Variants in CERT1 observed in about 807,000 individuals in gnomAD.
CERT1 encodes the protein ceramide transfer protein.
In CERT1, 31 loss-of-function variants were observed where a neutral mutation model predicts 87.9. The observed-to-expected ratio is 0.35, with a 90% CI of 0.27 to 0.48. The LOEUF (loss-of-function observed/expected upper bound fraction) is 0.48. Among genes scored for constraint, CERT1 ranks in the 20% least tolerant of loss-of-function variants. The pLI, the probability that CERT1 is intolerant of heterozygous loss-of-function variation, is 0.99. For synonymous variants in CERT1, 289 were observed against 250.9 expected, an observed-to-expected ratio of 1.15 and a Z score of -1.44; for missense variants, 487 against 758.0, an observed-to-expected ratio of 0.64 and a Z score of 4.20.
chr5:75,466,070 A>C (rs1045552745), intron 2 of CERT1, among the ~76,000 whole-genome samples: 3 of 152,144 alleles, frequency 2.0e-5, no homozygotes, highest in Non-Finnish European at 4.4e-5. Context: ...GCCACTTAAC[A>C]ACCTATTATC....
intron 5 of CERT1, among the ~76,000 whole-genome samples, chr5:75,420,384 C>T (rs1401430683): frequency 6.6e-6 from 1 of 150,888 alleles, no homozygotes; most frequent in Non-Finnish European, 1.5e-5. Flanking sequence ...TGCTCTGTCG[C>T]CCAGGCTGGA....
chr5:75,411,710 GA>G (rs1237662638), intron 7 of CERT1, among the ~76,000 whole-genome samples: 1 of 151,856 alleles, frequency 6.6e-6, no homozygotes, highest in African/African-American at 2.4e-5. Flanking sequence ...GAAAAGAAAA[GA>G]AAAAAACCCA....
At chr5:75,476,528 G>T (rs1348987202) in intron 2 of CERT1, among the ~76,000 whole-genome samples, 1 of 152,012 alleles carries the variant, frequency 6.6e-6, no homozygotes, top group Non-Finnish European at 1.5e-5. Context: ...TCATTGTTTA[G>T]CTGTTACTTC....
intron 3 of CERT1, among the ~76,000 whole-genome samples, chr5:75,445,613 C>T (rs1764504226): frequency 6.6e-6 from 1 of 152,182 alleles, no homozygotes; most frequent in Non-Finnish European, 1.5e-5. Context: ...GCACACACCA[C>T]CACACCTGCT....
chr5:75,489,358 C>T (rs1031185417), intron 2 of CERT1, among the ~76,000 whole-genome samples: 1 of 152,182 alleles, frequency 6.6e-6, no homozygotes, highest in Non-Finnish European at 1.5e-5. Flanking sequence ...ATGACTAAAA[C>T]ACCAAAAGCA....
chr5:75,402,931 T>TAA, intron 9 of CERT1, 41 bp downstream of exon 9: 1 of 1,261,064 alleles, frequency 7.9e-7, no homozygotes, highest in African/African-American at 1.5e-5. Context: ...CCTATAGTGT[T>TAA]AAAATAAATT....
chr5:75,455,223 G>A (rs977265138), intron 3 of CERT1, among the ~76,000 whole-genome samples: 12 of 152,110 alleles, frequency 7.9e-5, no homozygotes, highest in Non-Finnish European at 1.8e-4. Context: ...TGAACAAACT[G>A]GGCTACAAAG....
At chr5:75,387,006 T>A (rs139509917) in intron 12 of CERT1, among the ~76,000 whole-genome samples, 3 of 152,122 alleles carry the variant, frequency 2.0e-5, no homozygotes, top group Admixed American at 6.5e-5. Flanking sequence ...TAGCTGGGAT[T>A]ACAGGCGCCT....
At chr5:75,442,772 TAGG>T (rs1561266616) in intron 3 of CERT1, among the ~76,000 whole-genome samples, 1 of 151,266 alleles carries the variant, frequency 6.6e-6, no homozygotes, top group Admixed American at 6.6e-5. Flanking sequence ...GAGGGGGAAA[TAGG>T]GGGAGAGAAC....
chr5:75,462,273 G>A (rs893899717), intron 2 of CERT1, among the ~76,000 whole-genome samples: 1 of 152,198 alleles, frequency 6.6e-6, no homozygotes, highest in African/African-American at 2.4e-5. Context: ...TGGGACCAGG[G>A]ATCGGTTTCA....
At chr5:75,458,651 A>C (rs1325730109) in intron 3 of CERT1, among the ~76,000 whole-genome samples, 1 of 151,896 alleles carries the variant, frequency 6.6e-6, no homozygotes, top group Non-Finnish European at 1.5e-5. Context: ...TCCCGGATTC[A>C]AGCGGTTCTA....
At chr5:75,428,546 C>T (rs1053304284) in intron 3 of CERT1, among the ~76,000 whole-genome samples, 11 of 151,982 alleles carry the variant, frequency 7.2e-5, no homozygotes, top group East Asian at 1.9e-4. Context: ...GGCGCAGTGG[C>T]GGGCGCCTGT....
chr5:75,444,548 C>CTTT (rs952234196), intron 3 of CERT1, among the ~76,000 whole-genome samples: 11 of 128,780 alleles, frequency 8.5e-5, no homozygotes, highest in African/African-American at 2.4e-4. Context: ...CTTTTCTTTT[C>CTTT]TTTTTTTTTT....
At chr5:75,399,074 CT>C (rs1326063699) in intron 11 of CERT1, among the ~76,000 whole-genome samples, 1 of 152,166 alleles carries the variant, frequency 6.6e-6, no homozygotes, top group African/African-American at 2.4e-5. Flanking sequence ...GTTTGAAAAT[CT>C]TTCTGGAGTA....
downstream of CERT1, chr5:75,376,928 T>C (rs1761339788): frequency 6.6e-6 from 1 of 152,222 alleles, no homozygotes; most frequent in African/African-American, 2.4e-5. Flanking sequence ...TTTCATTATA[T>C]AATTGACTAT....
intron 6 of CERT1, among the ~76,000 whole-genome samples, chr5:75,418,380 G>A (rs1397887737): frequency 1.3e-5 from 2 of 152,148 alleles, no homozygotes; most frequent in African/African-American, 4.8e-5. Flanking sequence ...TGGGGATATG[G>A]AGGAACTGGG....
chr5:75,419,993 T>TG (rs1763302775), intron 5 of CERT1, among the ~76,000 whole-genome samples: 1 of 151,702 alleles, frequency 6.6e-6, no homozygotes, highest in South Asian at 2.1e-4. Context: ...TTTTTTTTTT[T>TG]GTAGATGGAG....
intron 3 of CERT1, among the ~76,000 whole-genome samples, chr5:75,432,363 C>T (rs1048948478): frequency 6.6e-6 from 1 of 152,130 alleles, no homozygotes; most frequent in Non-Finnish European, 1.5e-5. Flanking sequence ...CAAGCATTCC[C>T]TTTTCTCTGC....
At chr5:75,451,284 G>C (rs1473317849) in intron 3 of CERT1, among the ~76,000 whole-genome samples, 1 of 152,150 alleles carries the variant, frequency 6.6e-6, no homozygotes, top group Non-Finnish European at 1.5e-5. Context: ...AACATCCAGA[G>C]ACAACATGAA....
Sources: gnomAD v4.1 joint callset for allele counts (sites outside exome capture counted in the v4.1 genomes callset) on GRCh38, gnomAD v4.1.1 for gene constraint, MANE v1.5 for transcripts, NCBI Gene and HGNC (gene_info 2026-07-23, HGNC 2026-07-21) for gene names.